PHEX: variants seen among roughly 807,000 people sequenced by gnomAD.
PHEX encodes the protein phosphate-regulating neutral endopeptidase PHEX.
PHEX carries 16 observed loss-of-function variants against 68.0 expected under a neutral mutation model. The observed-to-expected ratio is 0.24, with a 90% confidence interval of 0.16 to 0.36. The LOEUF (loss-of-function observed/expected upper bound fraction) is 0.36. Ranked by LOEUF, PHEX falls within the 10% of genes least tolerant of loss-of-function variation. The pLI, the probability that PHEX is intolerant of heterozygous loss-of-function variation, is 1.00. For synonymous variants in PHEX, 208 were observed against 205.1 expected (o/e 1.01, Z -0.12); for missense variants, 480 against 575.5 (o/e 0.83, Z 1.70).
At chrX:22,103,456 C>G (rs895748076) in intron 9 of PHEX, among the ~76,000 whole-genome samples, 1 of 110,774 alleles carries the variant, frequency 9.0e-6, no homozygotes, top group Non-Finnish European at 1.9e-5. Flanking sequence ...TGCTTACCCC[C>G]TCCCACTCTC....
At chrX:22,101,162 C>CGAG (rs1930406169) in intron 9 of PHEX, among the ~76,000 whole-genome samples, 2 of 111,521 alleles carry the variant, frequency 1.8e-5, no homozygotes, top group African/African-American at 6.5e-5. Flanking sequence ...GGTGACATAG[C>CGAG]GAGACTCTGT....
intron 3 of PHEX, among the ~76,000 whole-genome samples, chrX:22,053,748 T>G (rs1183316336): frequency 8.9e-6 from 1 of 112,126 alleles, no homozygotes; most frequent in Non-Finnish European, 1.9e-5. Flanking sequence ...GGAATAGCTA[T>G]CTTTGCCAAT....
chrX:22,199,802 A>C (rs1934490637), intron 15 of PHEX, among the ~76,000 whole-genome samples: 1 of 112,237 alleles, frequency 8.9e-6, no homozygotes, highest in Non-Finnish European at 1.9e-5. Context: ...TCATATACTG[A>C]GGTTGCTAAG....
chrX:22,166,674 GTACAA>G (rs1468289054), intron 12 of PHEX, among the ~76,000 whole-genome samples: 2 of 111,029 alleles, frequency 1.8e-5, no homozygotes, highest in Non-Finnish European at 3.8e-5. Context: ...ATTTTCTAGT[GTACAA>G]TACATTGATA....
At chrX:22,085,468 G>A (rs978704210) in intron 5 of PHEX, among the ~76,000 whole-genome samples, 5 of 108,830 alleles carry the variant, frequency 4.6e-5, no homozygotes, top group Admixed American at 2.0e-4. Flanking sequence ...CCACCTACTC[G>A]GGAGGCTGAG....
At chrX:22,134,507 C>T (rs1243886422) in intron 12 of PHEX, among the ~76,000 whole-genome samples, 2 of 112,324 alleles carry the variant, frequency 1.8e-5, no homozygotes, top group Non-Finnish European at 1.9e-5. Context: ...GCAGGAGAAT[C>T]GCTTGAGCCT....
intron 1 of PHEX, 39 bp downstream of exon 1, chrX:22,033,162 G>T (rs756528765): frequency 4.7e-5 from 46 of 987,443 alleles, no homozygotes; most frequent in Admixed American, 4.4e-4. Flanking sequence ...CTGGGTGTGT[G>T]TCGAGAAGTT....
intron 4 of PHEX, among the ~76,000 whole-genome samples, chrX:22,076,871 T>C (rs1230554104): frequency 8.9e-6 from 1 of 111,845 alleles, no homozygotes; most frequent in South Asian, 3.7e-4. Context: ...GCCAGGTTCC[T>C]GTGTCAGCCT....
chrX:22,241,771 G>A (rs751606071), intron 20 of PHEX, among the ~76,000 whole-genome samples: 1 of 111,889 alleles, frequency 8.9e-6, no homozygotes, highest in Non-Finnish European at 1.9e-5. Context: ...TGAAATTGAG[G>A]TAGCAATTAA....
At chrX:22,241,007 A>T (rs781683088) in intron 20 of PHEX, among the ~76,000 whole-genome samples, 5 of 112,117 alleles carry the variant, frequency 4.5e-5, no homozygotes, top group Non-Finnish European at 7.5e-5. Context: ...TTATTCCAAA[A>T]TTGACCACAT....
intron 9 of PHEX, among the ~76,000 whole-genome samples, chrX:22,102,198 A>ATCCCTCCT (rs932667343): frequency 9.0e-6 from 1 of 111,268 alleles, no homozygotes; most frequent in Non-Finnish European, 1.9e-5. Context: ...CCCATTAACC[A>ATCCCTCCT]TCCCTCCTTC....
At chrX:22,054,445 G>C (rs966929985) in intron 3 of PHEX, among the ~76,000 whole-genome samples, 1 of 111,950 alleles carries the variant, frequency 8.9e-6, no homozygotes, top group Admixed American at 9.5e-5. Flanking sequence ...ACTTCATGAA[G>C]TTCTTTGAAA....
chrX:22,091,776 TAAAGG>T (rs2147036989), intron 6 of PHEX, among the ~76,000 whole-genome samples: 1 of 112,087 alleles, frequency 8.9e-6, no homozygotes, highest in African/African-American at 3.2e-5. Flanking sequence ...TGGTGATTTA[TAAAGG>T]AAAGAGGTTT....
At chrX:22,074,895 G>A (rs1479964394) in intron 3 of PHEX, among the ~76,000 whole-genome samples, 2 of 110,798 alleles carry the variant, frequency 1.8e-5, no homozygotes, top group South Asian at 3.9e-4. Flanking sequence ...GGCCGACATG[G>A]TGAAACTCCA....
chrX:22,205,800 A>C (rs1222889833), intron 15 of PHEX, among the ~76,000 whole-genome samples: 1 of 111,687 alleles, frequency 9.0e-6, no homozygotes, highest in South Asian at 3.7e-4. Flanking sequence ...TGAATATGGA[A>C]CTTAAAATTA....
intron 13 of PHEX, chrX:22,173,039 G>A (rs968715554): frequency 3.6e-5 from 4 of 111,162 alleles, no homozygotes; most frequent in Non-Finnish European, 7.6e-5. Context: ...GTGTGTGTGT[G>A]TGTGTGTACA....
At chrX:22,233,022 G>C (rs1935823076) in intron 20 of PHEX, among the ~76,000 whole-genome samples, 1 of 111,392 alleles carries the variant, frequency 9.0e-6, no homozygotes, top group African/African-American at 3.3e-5. Flanking sequence ...GCCTTTGCTT[G>C]TCTGTAAAGG....
At chrX:22,059,056 C>T (rs1408917566) in intron 3 of PHEX, among the ~76,000 whole-genome samples, 5 of 111,790 alleles carry the variant, frequency 4.5e-5, no homozygotes, top group African/African-American at 1.3e-4. Context: ...CCACCTGCCT[C>T]GGCTTCCCAA....
chrX:22,179,726 T>G (rs1933826052), intron 14 of PHEX, among the ~76,000 whole-genome samples: 1 of 111,980 alleles, frequency 8.9e-6, no homozygotes, highest in African/African-American at 3.2e-5. Flanking sequence ...CTGTTGTGAT[T>G]CTTTGTTAAG....
Sources: allele counts gnomAD v4.1 joint callset (sites outside exome capture counted in the v4.1 genomes callset), GRCh38; gene constraint gnomAD v4.1.1; transcripts MANE v1.5; gene names NCBI Gene and HGNC (gene_info 2026-07-23, HGNC 2026-07-21).